Variants in DOCK5 observed in about 807,000 individuals in gnomAD.
DOCK5 encodes the protein dedicator of cytokinesis 5.
A neutral mutation model predicts 251.8 loss-of-function variants in DOCK5; 142 were observed. That is an observed-to-expected ratio of 0.56 (90% confidence interval 0.49 to 0.65). The LOEUF (loss-of-function observed/expected upper bound fraction) is 0.65, where lower values mean the gene tolerates loss of function less well. Ranked by LOEUF, DOCK5 falls within the 30% of genes least tolerant of loss-of-function variation. The pLI is 0.00. For synonymous variants in DOCK5, 842 were observed against 835.5 expected, an observed-to-expected ratio of 1.01 and a Z score of -0.13; for missense variants, 2,111 against 2,312.3, an observed-to-expected ratio of 0.91 and a Z score of 1.79.
rs763235500 is a variant in DOCK5 at position 25,368,742 on chromosome 8, C to T, written c.3438+17C>T. The T allele has an allele frequency of 2.1e-5, 33 of 1,607,090 alleles. No individual in the cohort carries two copies. The highest frequency in any genetic ancestry group is 6.7e-5 in the South Asian group (6 of 89,818). ...TTCCATATGGTAAGAAGTGGCAGAC[C>T]GCGTAATATTAGTAAATGGACATAT... On this transcript the variant is annotated intron_variant, in intron 33 of 51. Coordinates refer to ENST00000276440, the MANE Select transcript of DOCK5 (RefSeq NM_024940.8).
intron 11 of DOCK5, among the ~76,000 whole-genome samples, chr8:25,306,739 G>T (rs986109426): frequency 3.9e-5 from 6 of 151,906 alleles, no homozygotes; most frequent in African/African-American, 9.7e-5. Context: ...TAAATATGTT[G>T]AATGTAATAC....
chr8:25,357,502 C>T lies in DOCK5; in HGVS notation c.2851-1461C>T, dbSNP rs145192852. On this transcript the variant is annotated intron_variant, in intron 27 of 51. Coordinates refer to ENST00000276440, the MANE Select transcript of DOCK5 (RefSeq NM_024940.8). Reference sequence around the variant, plus strand: ...AAGCAATTTTCCTGCCTCAGCCTCCCGAGTAGCTGGGATTATAGGTGCCCA... The same window carrying T: ...AAGCAATTTTCCTGCCTCAGCCTCCTGAGTAGCTGGGATTATAGGTGCCCA... Among the ~76,000 whole-genome samples the T allele has an allele frequency of 7.8e-3, 1,176 of 150,480 alleles. 16 individuals are homozygous for T. Among genetic ancestry groups the T allele is most frequent in the African/African-American group, 0.027 (1,114 of 40,770 alleles).
intron 47 of DOCK5, among the ~76,000 whole-genome samples, chr8:25,403,312 G>A (rs1045786955): frequency 6.6e-6 from 1 of 152,176 alleles, no homozygotes; most frequent in African/African-American, 2.4e-5. Context: ...AGAAAATTAT[G>A]ACAACTTTTT....
chr8:25,347,824 C>T (rs573338723), intron 26 of DOCK5, among the ~76,000 whole-genome samples: 22 of 152,290 alleles, frequency 1.4e-4, no homozygotes, highest in East Asian at 5.8e-4. Flanking sequence ...TTGTTCTAGA[C>T]GACCTCTTTA....
Position 25,319,623 on chromosome 8 carries a change from A to C in DOCK5, c.1489A>C (p.Lys497Gln). 6.3e-7 allele frequency: 1 copy of C among 1,592,066 alleles called. No individual in the cohort carries two copies. Among genetic ancestry groups the C allele is most frequent in the Non-Finnish European group, 8.6e-7 (1 of 1,169,010 alleles). ...GAGYEGISEY[K>Q]SVVYYQVKQP... ...TGGATATGAAGGCATTTCAGAATAC[A>C]AATCAGTAGTCTATTACCAAGTCAA... is the stretch of plus-strand genomic sequence containing the variant. Residue 497 changes from lysine to glutamine, a missense_variant, in exon 15 of 52, where the codon AAA becomes CAA. Lys to Gln is a moderately conservative substitution (Grantham distance 53, BLOSUM62 1). Transcript: ENST00000276440.
At chr8:25,341,711 G>T in intron 23 of DOCK5, 28 bp from the exon 24 acceptor site, 1 of 1,553,324 alleles carries the variant, frequency 6.4e-7, no homozygotes, top group Non-Finnish European at 8.7e-7. Context: ...CCTGGCAACT[G>T]AATTTGCCTT....
At chr8:25,281,889 G>GAAAAAAAAAAAAAAAAAAAAAAAA (rs57465549) in intron 5 of DOCK5, among the ~76,000 whole-genome samples, 2 of 127,134 alleles carry the variant, frequency 1.6e-5, no homozygotes, top group African/African-American at 5.7e-5. Flanking sequence ...AAAAAAAAAA[G>GAAAAAAAAAAAAAAAAAAAAAAAA]AAAAAAAAAA....
intron 1 of DOCK5, among the ~76,000 whole-genome samples, chr8:25,204,850 C>G (rs1344785839): frequency 6.6e-6 from 1 of 151,992 alleles, no homozygotes; most frequent in Admixed American, 6.6e-5. Context: ...GTCGTCTTTC[C>G]CAAAGTATTT....
intron 1 of DOCK5, among the ~76,000 whole-genome samples, chr8:25,203,992 GTCTTTATCT>G (rs1801940613): frequency 6.6e-6 from 1 of 152,134 alleles, no homozygotes; most frequent in Non-Finnish European, 1.5e-5. Flanking sequence ...CGTCTTAGAT[GTCTTTATCT>G]TCTTGCTTTT....
chr8:25,200,255 C>T (rs4872295), intron 1 of DOCK5, among the ~76,000 whole-genome samples: 95,153 of 152,044 alleles, frequency 0.63, 32,448 homozygotes, highest in Non-Finnish European at 0.76. Flanking sequence ...TTAGCAACTC[C>T]GTTTCTCTGA....
intron 16 of DOCK5, among the ~76,000 whole-genome samples, chr8:25,322,114 C>A (rs904286167): frequency 4.6e-5 from 7 of 152,102 alleles, no homozygotes; most frequent in Admixed American, 1.3e-4. Flanking sequence ...AAATGTAACC[C>A]CTCCTTCCAA....
intron 38 of DOCK5, 27 bp downstream of exon 38, chr8:25,377,451 G>T: frequency 6.2e-7 from 1 of 1,607,182 alleles, no homozygotes; most frequent in South Asian, 1.1e-5. Flanking sequence ...TTTTGTACTA[G>T]GGGAAAGAGG....
At chr8:25,274,395 T>C (rs1297017998) in intron 3 of DOCK5, among the ~76,000 whole-genome samples, 2 of 152,232 alleles carry the variant, frequency 1.3e-5, no homozygotes, top group Non-Finnish European at 2.9e-5. Context: ...TCAGCATCAC[T>C]GTCTCCGGAT....
At chr8:25,320,929 C>T (rs942337430) in intron 15 of DOCK5, 51 bp from the exon 16 acceptor site, 127 of 1,515,522 alleles carry the variant, frequency 8.4e-5, no homozygotes, top group Non-Finnish European at 1.1e-4. Flanking sequence ...ATAAACCATG[C>T]TTGCAAAGTA....
Position 25,304,290 on chromosome 8 carries a change from G to A in DOCK5, c.1012G>A (p.Asp338Asn). The A allele has an allele frequency of 6.2e-7, 1 of 1,610,900 alleles. No homozygotes were observed. Among genetic ancestry groups the A allele is most frequent in the Admixed American group, 1.7e-5 (1 of 59,496 alleles). ...DITDIIHGKV[D>N]DEEKQHFIPF... is the part of the protein sequence containing the mutation. Reference sequence around the variant, plus strand: ...TACTGATATCATACATGGGAAGGTGGATGATGAAGAAAAGCAGCATTTTAT... The same window carrying A: ...TACTGATATCATACATGGGAAGGTGAATGATGAAGAAAAGCAGCATTTTAT... The change falls in exon 11 of 52, where the codon GAT becomes AAT. Residue 338 changes from aspartate to asparagine, a missense_variant. By Grantham distance (23) the Asp-to-Asn change is conservative. Coordinates refer to ENST00000276440, the MANE Select transcript of DOCK5 (RefSeq NM_024940.8).
At chr8:25,229,689 A>AAT (rs2117516775) in intron 1 of DOCK5, among the ~76,000 whole-genome samples, 1 of 152,242 alleles carries the variant, frequency 6.6e-6, no homozygotes, top group Non-Finnish European at 1.5e-5. Flanking sequence ...GAAGAAGGAA[A>AAT]ATATATCAGA....
At chr8:25,187,363 A>AC (rs1480848846) in intron 1 of DOCK5, among the ~76,000 whole-genome samples, 4 of 132,936 alleles carry the variant, frequency 3.0e-5, no homozygotes, top group Admixed American at 1.5e-4. Flanking sequence ...ATGGGTGGAA[A>AC]TTGTGTGTGT....
intron 46 of DOCK5, among the ~76,000 whole-genome samples, chr8:25,400,264 T>A (rs1801415288): frequency 6.6e-6 from 1 of 151,906 alleles, no homozygotes; most frequent in African/African-American, 2.4e-5. Context: ...TTTGGGAGGC[T>A]GAAGTGGGTG....
intron 11 of DOCK5, among the ~76,000 whole-genome samples, chr8:25,307,791 A>G (rs1049402966): frequency 1.3e-5 from 2 of 152,204 alleles, no homozygotes; most frequent in Non-Finnish European, 2.9e-5. Flanking sequence ...TGTGCAGCCA[A>G]CAGCCGCAGT....
Sources: gnomAD v4.1 joint callset for allele counts (sites outside exome capture counted in the v4.1 genomes callset) on GRCh38, gnomAD v4.1.1 for gene constraint, MANE v1.5 for transcripts, NCBI Gene and HGNC (gene_info 2026-07-23, HGNC 2026-07-21) for gene names.